Variants in SLC14A2 observed in about 807,000 individuals in gnomAD.
The protein encoded by SLC14A2 is urea transporter 2.
In SLC14A2, 91 loss-of-function variants were observed where a neutral mutation model predicts 104.6. The observed-to-expected ratio is 0.87, with a 90% CI of 0.73 to 1.04. The LOEUF (loss-of-function observed/expected upper bound fraction) is 1.04, where lower values mean the gene tolerates loss of function less well. Among genes scored for constraint, SLC14A2 ranks in the 50% least tolerant of loss-of-function variants. The pLI is 0.00. For missense variants in SLC14A2, 1,189 were observed against 1,156.0 expected (o/e 1.03, Z -0.41); for synonymous variants, 476 against 466.4 (o/e 1.02, Z -0.27).
the SLC14A2 span, among the ~76,000 whole-genome samples, chr18:45,185,323 A>G: frequency 4.7e-4 from 72 of 152,314 alleles, no homozygotes; most frequent in African/African-American, 1.7e-3. Context: ...CATGCTTCAT[A>G]TCCACAGGGA....
the SLC14A2 span, among the ~76,000 whole-genome samples, chr18:45,174,858 TAAATG>T: frequency 1.2e-4 from 18 of 152,134 alleles, no homozygotes; most frequent in African/African-American, 2.2e-4. Flanking sequence ...AAAAGGCTCT[TAAATG>T]AAAAGATGCA....
intron 1 of SLC14A2, among the ~76,000 whole-genome samples, chr18:45,407,151 T>C (rs1325946877): frequency 6.6e-6 from 1 of 152,122 alleles, no homozygotes; most frequent in Non-Finnish European, 1.5e-5. Flanking sequence ...TTCATTACCA[T>C]GAAAATCTGT....
intron 2 of SLC14A2, among the ~76,000 whole-genome samples, chr18:45,574,633 T>C (rs912489445): frequency 6.6e-6 from 1 of 152,242 alleles, no homozygotes; most frequent in African/African-American, 2.4e-5. Flanking sequence ...GAAGCTGACA[T>C]ATACCATATG....
chr18:45,401,093 C>T (rs1598759267), intron 1 of SLC14A2, among the ~76,000 whole-genome samples: 1 of 152,158 alleles, frequency 6.6e-6, no homozygotes, highest in Admixed American at 6.5e-5. Context: ...GGTGTTGCTG[C>T]TTGGAAGATC....
intron 1 of SLC14A2, among the ~76,000 whole-genome samples, chr18:45,430,340 A>G (rs2086494436): frequency 6.6e-6 from 1 of 152,292 alleles, no homozygotes; most frequent in Admixed American, 6.5e-5. Context: ...TTTGTTGGAC[A>G]TTTGCTAAGA....
intron 2 of SLC14A2, among the ~76,000 whole-genome samples, chr18:45,527,405 A>G (rs1361239922): frequency 1.3e-5 from 2 of 152,194 alleles, no homozygotes; most frequent in Non-Finnish European, 2.9e-5. Flanking sequence ...TTTATTATAG[A>G]TGATGTTGAT....
chr18:45,388,847 T>C (rs1313671323), intron 1 of SLC14A2, among the ~76,000 whole-genome samples: 1 of 152,196 alleles, frequency 6.6e-6, no homozygotes, highest in East Asian at 1.9e-4. Flanking sequence ...GATAGGATGA[T>C]AAAGCAAAGG....
chr18:45,381,185 C>T (rs2085830811), intron 1 of SLC14A2, among the ~76,000 whole-genome samples: 1 of 152,198 alleles, frequency 6.6e-6, no homozygotes, highest in South Asian at 2.1e-4. Context: ...GAATTATCTC[C>T]CTGACCAGCT....
chr18:45,641,725 G>T (rs2045531703), intron 8 of SLC14A2, among the ~76,000 whole-genome samples: 1 of 152,188 alleles, frequency 6.6e-6, no homozygotes, highest in Admixed American at 6.5e-5. Context: ...ACATCCTCAT[G>T]AAGCCACAGC....
chr18:45,479,277 C>G (rs2087447523), intron 1 of SLC14A2, among the ~76,000 whole-genome samples: 1 of 152,142 alleles, frequency 6.6e-6, no homozygotes. Context: ...AACGCTATAT[C>G]TGACAAAGAG....
intron 1 of SLC14A2, among the ~76,000 whole-genome samples, chr18:45,449,989 C>T (rs145901224): frequency 6.6e-6 from 1 of 152,358 alleles, no homozygotes; most frequent in Non-Finnish European, 1.5e-5. Flanking sequence ...AAACACCCAG[C>T]TGGCATCGGT....
At chr18:45,518,057 T>C (rs2043467666) in intron 2 of SLC14A2, among the ~76,000 whole-genome samples, 1 of 152,164 alleles carries the variant, frequency 6.6e-6, no homozygotes, top group Admixed American at 6.5e-5. Flanking sequence ...TAACACAACA[T>C]CTAGATTCAG....
intron 2 of SLC14A2, among the ~76,000 whole-genome samples, chr18:45,540,802 G>T (rs1399099290): frequency 6.6e-6 from 1 of 152,116 alleles, no homozygotes; most frequent in African/African-American, 2.4e-5. Context: ...GAGGGCTGGG[G>T]TGGGACATCT....
chr18:45,659,477 G>A (rs2045899000), intron 10 of SLC14A2, among the ~76,000 whole-genome samples: 2 of 152,216 alleles, frequency 1.3e-5, no homozygotes, highest in East Asian at 3.8e-4. Flanking sequence ...ACCACAGGGA[G>A]CCAGCTCTCC....
chr18:45,361,378 C>G (rs1458935336), intron 1 of SLC14A2, among the ~76,000 whole-genome samples: 1 of 152,074 alleles, frequency 6.6e-6, no homozygotes, highest in African/African-American at 2.4e-5. Context: ...GCTTGGCAGC[C>G]CATGGACACA....
chr18:45,545,389 G>A (rs1035921547), intron 2 of SLC14A2, among the ~76,000 whole-genome samples: 2 of 152,108 alleles, frequency 1.3e-5, no homozygotes, highest in African/African-American at 2.4e-5. Context: ...CTGAGGGTCC[G>A]TTGCTATTTA....
chr18:45,600,041 A>G (rs1341526423), intron 2 of SLC14A2, among the ~76,000 whole-genome samples: 14 of 152,100 alleles, frequency 9.2e-5, no homozygotes, highest in Non-Finnish European at 1.5e-4. Context: ...CTTCTCAGGT[A>G]CTTGCTCATC....
intron 4 of SLC14A2, among the ~76,000 whole-genome samples, chr18:45,630,445 G>A (rs1478355232): frequency 6.6e-6 from 1 of 152,054 alleles, no homozygotes; most frequent in African/African-American, 2.4e-5. Context: ...GTAACTGAAG[G>A]TCAACAACAC....
chr18:45,192,642 T>TTTTTTGTTTTGTTTTGTTTTG, the SLC14A2 span, among the ~76,000 whole-genome samples: 10 of 144,930 alleles, frequency 6.9e-5, no homozygotes, highest in African/African-American at 1.0e-4. Flanking sequence ...GTGTGGTTTT[T>TTTTTTGTTTTGTTTTGTTTTG]TTTTGTTTTG....
Sources: gnomAD v4.1 joint callset for allele counts (sites outside exome capture counted in the v4.1 genomes callset) on GRCh38, gnomAD v4.1.1 for gene constraint, MANE v1.5 for transcripts, NCBI Gene and HGNC (gene_info 2026-07-23, HGNC 2026-07-21) for gene names.